Variants in DLGAP2 observed in about 807,000 individuals in gnomAD.
The protein encoded by DLGAP2 is disks large-associated protein 2.
A neutral mutation model predicts 100.3 loss-of-function variants in DLGAP2; 26 were observed. The observed-to-expected ratio is 0.26, with a 90% CI of 0.19 to 0.36. DLGAP2 has a LOEUF of 0.36. Ranked by LOEUF, DLGAP2 falls within the 10% of genes least tolerant of loss-of-function variation. The pLI, the probability that DLGAP2 is intolerant of heterozygous loss-of-function variation, is 1.00. For synonymous variants in DLGAP2, 886 were observed against 630.1 expected, an observed-to-expected ratio of 1.41 and a Z score of -6.08; for missense variants, 1,858 against 1,453.2, an observed-to-expected ratio of 1.28 and a Z score of -4.53.
At chr8:1,186,886 G>A (rs972158995) in intron 2 of DLGAP2, among the ~76,000 whole-genome samples, 3 of 152,000 alleles carry the variant, frequency 2.0e-5, no homozygotes, top group Admixed American at 6.6e-5. Context: ...CTGCCCTACC[G>A]CATCCACCCC....
At chr8:926,784 C>T (rs576653438) in intron 2 of DLGAP2, among the ~76,000 whole-genome samples, 10 of 152,352 alleles carry the variant, frequency 6.6e-5, no homozygotes, top group African/African-American at 2.2e-4. Context: ...CAGAGCTGGC[C>T]GCACCCACAG....
At chr8:1,002,873 G>A (rs1478823858) in intron 2 of DLGAP2, 2 of 152,246 alleles carry the variant, frequency 1.3e-5, no homozygotes, top group Non-Finnish European at 2.9e-5. Context: ...TGGCGCTAGT[G>A]GGGCCCAGGC....
intron 3 of DLGAP2, among the ~76,000 whole-genome samples, chr8:1,476,556 C>G (rs1274955686): frequency 6.6e-6 from 1 of 152,198 alleles, no homozygotes; most frequent in Non-Finnish European, 1.5e-5. Flanking sequence ...ATGGTTCCCC[C>G]CTCAGTTCCC....
intron 2 of DLGAP2, among the ~76,000 whole-genome samples, chr8:1,206,864 C>G (rs989254729): frequency 6.6e-6 from 1 of 152,180 alleles, no homozygotes; most frequent in Non-Finnish European, 1.5e-5. Flanking sequence ...CCTATGTCAG[C>G]CTTCTCACGA....
At chr8:1,180,699 AGTGT>A (rs757515641) in intron 2 of DLGAP2, among the ~76,000 whole-genome samples, 2 of 150,422 alleles carry the variant, frequency 1.3e-5, no homozygotes, top group East Asian at 4.0e-4. Context: ...ATTACCGTCG[AGTGT>A]GTGTGGGTGT....
intron 2 of DLGAP2, among the ~76,000 whole-genome samples, chr8:1,005,274 C>T (rs922202496): frequency 1.3e-5 from 2 of 152,156 alleles, no homozygotes; most frequent in Non-Finnish European, 2.9e-5. Flanking sequence ...TGGAGTGAAT[C>T]AGCCTTCCTG....
chr8:1,319,839 G>C (rs777051099), intron 3 of DLGAP2, among the ~76,000 whole-genome samples: 2 of 152,180 alleles, frequency 1.3e-5, no homozygotes, highest in South Asian at 2.1e-4. Context: ...GGCAAGGTCA[G>C]GTTGCTGGAG....
chr8:1,676,550 T>G lies in DLGAP2; in HGVS notation c.2220T>G (p.Asp740Glu). Residue 740 changes from aspartate to glutamate, a missense_variant, in exon 11 of 15, where the codon GAT becomes GAG. By Grantham distance (45) the Asp-to-Glu change is conservative (BLOSUM62 2). Coordinates refer to ENST00000637795, the MANE Select transcript of DLGAP2 (RefSeq NM_001346810.2). ...TGAATTAGGTGGAAACGGCCACAGA[T>G]TCTGACACGGAGAGCCGCGGTCTGC... ...YPRSDVETAT[D>E]SDTESRGLRE... 6.2e-7 allele frequency: 1 copy of G among 1,613,472 alleles called. No homozygotes were observed. The highest frequency in any genetic ancestry group is 8.5e-7 in the Non-Finnish European group (1 of 1,179,706).
chr8:915,295 C>T (rs1223066774), intron 2 of DLGAP2, among the ~76,000 whole-genome samples: 2 of 152,208 alleles, frequency 1.3e-5, no homozygotes, highest in East Asian at 1.9e-4. Context: ...CGCCTGTAAT[C>T]CCAGCGCTTT....
intron 12 of DLGAP2, among the ~76,000 whole-genome samples, chr8:1,686,589 G>A (rs1487997508): frequency 6.6e-6 from 1 of 151,994 alleles, no homozygotes; most frequent in African/African-American, 2.4e-5. Context: ...CAGGAGAATC[G>A]CTTGAACCTG....
chr8:1,118,809 G>T (rs900297582), intron 2 of DLGAP2, among the ~76,000 whole-genome samples: 7 of 152,140 alleles, frequency 4.6e-5, no homozygotes, highest in African/African-American at 1.4e-4. Flanking sequence ...AGTTCTTCAT[G>T]GCTGTACTTC....
At chr8:1,446,379 T>A (rs1797986948) in intron 3 of DLGAP2, among the ~76,000 whole-genome samples, 1 of 152,184 alleles carries the variant, frequency 6.6e-6, no homozygotes, top group Admixed American at 6.5e-5. Flanking sequence ...TTTTGTCAGG[T>A]TTGTCAAAGA....
At chr8:1,032,181 C>T (rs183954915) in intron 2 of DLGAP2, among the ~76,000 whole-genome samples, 1 of 152,390 alleles carries the variant, frequency 6.6e-6, no homozygotes, top group East Asian at 1.9e-4. Context: ...TCCATCGACG[C>T]TGGGAGCTGT....
At chr8:1,606,064 T>A (rs375119860) in intron 6 of DLGAP2, among the ~76,000 whole-genome samples, 79 of 152,318 alleles carry the variant, frequency 5.2e-4, no homozygotes, top group African/African-American at 1.8e-3. Flanking sequence ...AAATGAATTA[T>A]CGTTAACTCT....
intron 2 of DLGAP2, among the ~76,000 whole-genome samples, chr8:1,206,239 C>T (rs1362770324): frequency 1.3e-5 from 2 of 152,074 alleles, no homozygotes; most frequent in Non-Finnish European, 2.9e-5. Flanking sequence ...CTCTTGGCCA[C>T]GCACCACTGG....
intron 6 of DLGAP2, among the ~76,000 whole-genome samples, chr8:1,586,751 G>A (rs1490609665): frequency 2.0e-5 from 3 of 152,190 alleles, no homozygotes; most frequent in Non-Finnish European, 2.9e-5. Context: ...CATTACCGTT[G>A]GGGAACTGCC....
chr8:1,662,030 G>C (rs1443432018), intron 8 of DLGAP2, among the ~76,000 whole-genome samples: 3 of 152,212 alleles, frequency 2.0e-5, no homozygotes, highest in Non-Finnish European at 2.9e-5. Flanking sequence ...AAGACCTCAG[G>C]GGAAGTACAC....
At chr8:1,623,770 C>G (rs1382146568) in intron 6 of DLGAP2, among the ~76,000 whole-genome samples, 1 of 152,234 alleles carries the variant, frequency 6.6e-6, no homozygotes, top group Non-Finnish European at 1.5e-5. Context: ...GTTTATAGGA[C>G]TAATGTAAAC....
At chr8:764,830 C>T (rs1196624279) in intron 1 of DLGAP2, among the ~76,000 whole-genome samples, 1 of 152,150 alleles carries the variant, frequency 6.6e-6, no homozygotes, top group Non-Finnish European at 1.5e-5. Flanking sequence ...ATTCTAAATA[C>T]TAGCCACAGA....
Sources: gnomAD v4.1 joint callset for allele counts (sites outside exome capture counted in the v4.1 genomes callset) on GRCh38, gnomAD v4.1.1 for gene constraint, MANE v1.5 for transcripts, NCBI Gene and HGNC (gene_info 2026-07-23, HGNC 2026-07-21) for gene names.